The following SMCHD1 variants were observed in gnomAD, a reference collection of about 807,000 sequenced individuals.
The protein encoded by SMCHD1 is structural maintenance of chromosomes flexible hinge domain-containing protein 1.
SMCHD1 carries 78 observed loss-of-function variants against 254.7 expected under a neutral mutation model. That is an observed-to-expected ratio of 0.31 (90% confidence interval 0.26 to 0.37). The LOEUF (loss-of-function observed/expected upper bound fraction) is 0.37. Ranked by LOEUF, SMCHD1 falls within the 10% of genes least tolerant of loss-of-function variation. The pLI is 1.00. For missense variants in SMCHD1, 1,840 were observed against 2,408.1 expected (o/e 0.76, Z 4.94); for synonymous variants, 766 against 794.9 (o/e 0.96, Z 0.61).
intron 29 of SMCHD1, among the ~76,000 whole-genome samples, chr18:2,744,525 G>A (rs2075411254): frequency 6.6e-6 from 1 of 151,758 alleles, no homozygotes; most frequent in Admixed American, 6.6e-5. Context: ...TATACATTGT[G>A]GAATGGCTAA....
intron 17 of SMCHD1, among the ~76,000 whole-genome samples, 190 bp from the exon 18 acceptor site, chr18:2,717,968 T>C (rs1326865970): frequency 1.3e-5 from 2 of 152,116 alleles, no homozygotes; most frequent in Non-Finnish European, 2.9e-5. Context: ...AATAAAGAGA[T>C]TTTAATGAAT....
At chr18:2,739,902 T>C (rs367719226) in intron 27 of SMCHD1, among the ~76,000 whole-genome samples, 4 of 151,618 alleles carry the variant, frequency 2.6e-5, no homozygotes, top group East Asian at 1.9e-4. Context: ...CTGGACAAAA[T>C]AGTGATACTG....
intron 17 of SMCHD1, among the ~76,000 whole-genome samples, chr18:2,712,779 A>G (rs61233825): frequency 0.03 from 4,567 of 152,260 alleles, 235 homozygotes; most frequent in African/African-American, 0.1. Context: ...ATTTTACGCC[A>G]AAGTGATTTT....
chr18:2,713,766 A>G (rs923772108), intron 17 of SMCHD1, among the ~76,000 whole-genome samples: 2 of 152,216 alleles, frequency 1.3e-5, no homozygotes, highest in Non-Finnish European at 2.9e-5. Context: ...GTTTGATCCA[A>G]GTATTTTATA....
At chr18:2,773,479 T>G (rs1303012479) in intron 41 of SMCHD1, among the ~76,000 whole-genome samples, 3 of 152,222 alleles carry the variant, frequency 2.0e-5, no homozygotes, top group Admixed American at 1.3e-4. Flanking sequence ...GGGAAATCTT[T>G]GAAATTTCGT....
chr18:2,766,240 G>A (rs777140919), intron 37 of SMCHD1, among the ~76,000 whole-genome samples: 7 of 152,140 alleles, frequency 4.6e-5, no homozygotes, highest in African/African-American at 1.7e-4. Context: ...TGATCCACCC[G>A]CCTCGGCCTC....
intron 5 of SMCHD1, among the ~76,000 whole-genome samples, chr18:2,678,253 T>C (rs35211873): frequency 0.03 from 3,441 of 113,812 alleles, 63 homozygotes; most frequent in Middle Eastern, 0.055. Flanking sequence ...CGTTCTTTCT[T>C]TCTCTCTCTC....
At chr18:2,797,887 A>G (rs991529970) in intron 47 of SMCHD1, among the ~76,000 whole-genome samples, 7 of 152,204 alleles carry the variant, frequency 4.6e-5, no homozygotes, top group African/African-American at 1.7e-4. Context: ...ATTGCACTCC[A>G]GTCCGGGCAA....
At chr18:2,669,631 C>T (rs2073540773) in intron 3 of SMCHD1, among the ~76,000 whole-genome samples, 1 of 152,160 alleles carries the variant, frequency 6.6e-6, no homozygotes, top group South Asian at 2.1e-4. Context: ...TAAATAACAT[C>T]ATTACAGAAG....
chr18:2,708,555 AG>A (rs1175651182), intron 17 of SMCHD1, among the ~76,000 whole-genome samples: 2 of 151,526 alleles, frequency 1.3e-5, no homozygotes, highest in Non-Finnish European at 2.9e-5. Flanking sequence ...ATCACACAGA[AG>A]CACCACTCTC....
chr18:2,667,298 A>G (rs1230568404), intron 3 of SMCHD1, among the ~76,000 whole-genome samples: 2 of 152,178 alleles, frequency 1.3e-5, no homozygotes, highest in African/African-American at 2.4e-5. Flanking sequence ...ACAGCTTTCC[A>G]TCGCCTGTAT....
At chr18:2,666,790 G>A (rs764036031) in intron 2 of SMCHD1, 80 bp from the exon 3 acceptor site, 10 of 1,153,528 alleles carry the variant, frequency 8.7e-6, no homozygotes, top group African/African-American at 1.5e-5. Flanking sequence ...TTCATAGATA[G>A]AATTTGTATA....
chr18:2,767,257 CAA>C (rs199548188), intron 37 of SMCHD1, among the ~76,000 whole-genome samples: 3 of 130,896 alleles, frequency 2.3e-5, no homozygotes, highest in Admixed American at 7.6e-5. Context: ...GACCCTGTCT[CAA>C]AAAAAAAAAA....
In SMCHD1 at chr18:2,687,911, A is replaced by G. The variant is rs138342116; in HGVS notation, c.639-483A>G. On this transcript the variant is annotated intron_variant, in intron 5 of 47. Transcript: ENST00000320876. ...TGATGTCCCCGGAGACTTTGCCTAC[A>G]TTTTGAAAGACCAGTGATGCCTCTT... 3.9e-5 allele frequency among the ~76,000 whole-genome samples: 6 copies of G among 152,194 alleles called. No individual in the cohort carries two copies. In the East Asian group the frequency reaches 1.2e-3, roughly 29 times the overall value.
chr18:2,757,819 T>G (rs1282388103), intron 34 of SMCHD1, among the ~76,000 whole-genome samples: 1 of 152,180 alleles, frequency 6.6e-6, no homozygotes, highest in African/African-American at 2.4e-5. Context: ...TTCTCTTAGT[T>G]TACATAAGAG....
At chr18:2,693,612 A>C (rs1201165222) in intron 7 of SMCHD1, among the ~76,000 whole-genome samples, 2 of 148,936 alleles carry the variant, frequency 1.3e-5, no homozygotes, top group African/African-American at 5.1e-5. Flanking sequence ...GCATGCGTGC[A>C]TACCATGTTT....
intron 19 of SMCHD1, among the ~76,000 whole-genome samples, chr18:2,720,446 G>T (rs1230230201): frequency 1.3e-5 from 2 of 152,004 alleles, no homozygotes; most frequent in African/African-American, 4.8e-5. Flanking sequence ...TTCATAGTTT[G>T]TTTCCTCCAT....
Position 2,743,663 on chromosome 18 carries a change from A to C in SMCHD1, c.3634-98A>C, listed in dbSNP as rs930811553. The C allele has an allele frequency of 1.1e-5, 8 of 740,778 alleles. No homozygotes were observed. The South Asian group carries it at 2.8e-4, about 26-fold the overall frequency. 45.9% of individuals were successfully genotyped at this position (740,778 alleles called of 1,614,324 possible). On this transcript the variant is annotated intron_variant, in intron 28 of 47. Coordinates refer to ENST00000320876, the MANE Select transcript of SMCHD1 (RefSeq NM_015295.3). ...TTTCTGTCATGTTACCAAGAAACAC[A>C]TCTGTACGCCCATGGGTTAATGACA...
intron 28 of SMCHD1, among the ~76,000 whole-genome samples, chr18:2,743,517 TA>T (rs537664795): frequency 8.5e-4 from 130 of 152,164 alleles, no homozygotes; most frequent in African/African-American, 3.0e-3. Flanking sequence ...TAAGAAAAGA[TA>T]AAATAAAGAG....
Sources: allele counts gnomAD v4.1 joint callset (sites outside exome capture counted in the v4.1 genomes callset), GRCh38; gene constraint gnomAD v4.1.1; transcripts MANE v1.5; gene names NCBI Gene and HGNC (gene_info 2026-07-23, HGNC 2026-07-21).